Variants in NTRK2 observed in about 807,000 individuals in gnomAD.
The protein encoded by NTRK2 is neurotrophic receptor tyrosine kinase 2, also known as BDNF/NT-3 growth factors receptor.
NTRK2 carries 13 observed loss-of-function variants against 94.5 expected under a neutral mutation model. That is an observed-to-expected ratio of 0.14 (90% CI 0.09 to 0.22). The LOEUF (loss-of-function observed/expected upper bound fraction) is 0.22. Among genes scored for constraint, NTRK2 ranks in the 10% least tolerant of loss-of-function variants. The pLI is 1.00. For missense variants in NTRK2, 639 were observed against 1,071.2 expected (o/e 0.60, Z 5.63); for synonymous variants, 372 against 407.4 (o/e 0.91, Z 1.05).
intron 17 of NTRK2, among the ~76,000 whole-genome samples, chr9:84,966,922 G>A (rs1825622307): frequency 6.6e-6 from 1 of 152,168 alleles, no homozygotes; most frequent in Non-Finnish European, 1.5e-5. Flanking sequence ...GAGAGAGATG[G>A]TATTACCATA....
In NTRK2 at chr9:84,782,460, T is replaced by C. The variant is rs765610002; in HGVS notation, c.1396+30375T>C. 1.7e-4 allele frequency among the ~76,000 whole-genome samples: 26 copies of C among 152,230 alleles called. 1 individual carries two copies. Among genetic ancestry groups the C allele is most frequent in the Non-Finnish European group, 3.1e-4 (21 of 68,036 alleles). On this transcript the variant is annotated intron_variant, in intron 12 of 18. Coordinates refer to ENST00000277120, the MANE Select transcript of NTRK2 (RefSeq NM_006180.6). ...CCCTCTGCCCCGTCATACCTAGCTT[T>C]GCTGTGGCTGTCGCTCTAGCAGAAA... is the stretch of plus-strand genomic sequence containing the variant.
chr9:84,842,490 C>T (rs1055522533), intron 12 of NTRK2, among the ~76,000 whole-genome samples: 2 of 152,172 alleles, frequency 1.3e-5, no homozygotes, highest in East Asian at 1.9e-4. Context: ...ACCTCCACTG[C>T]AGGCTCACAG....
At chr9:84,863,231 C>T (rs548320254) in intron 13 of NTRK2, among the ~76,000 whole-genome samples, 2 of 152,250 alleles carry the variant, frequency 1.3e-5, no homozygotes, top group East Asian at 3.9e-4. Flanking sequence ...CTTCGTGATT[C>T]TTATCACAGG....
chr9:84,865,447 T>A (rs935040881), intron 13 of NTRK2, among the ~76,000 whole-genome samples: 2 of 152,090 alleles, frequency 1.3e-5, no homozygotes, highest in Non-Finnish European at 2.9e-5. Flanking sequence ...ACTGTGATAA[T>A]CTCCATATGA....
At chr9:84,847,210 A>G (rs947473948) in intron 12 of NTRK2, among the ~76,000 whole-genome samples, 4 of 152,228 alleles carry the variant, frequency 2.6e-5, no homozygotes, top group South Asian at 2.1e-4. Context: ...GGCCAATTCA[A>G]CATTAGTGGT....
chr9:85,013,737 A>G (rs1831900018), intron 17 of NTRK2, among the ~76,000 whole-genome samples: 1 of 152,220 alleles, frequency 6.6e-6, no homozygotes. Flanking sequence ...GAGGAGGTCT[A>G]GGAGCCCCTT....
At chr9:84,886,633 C>T (rs187161991) in intron 14 of NTRK2, among the ~76,000 whole-genome samples, 140 of 152,300 alleles carry the variant, frequency 9.2e-4, no homozygotes, top group African/African-American at 3.3e-3. Context: ...GGAGTCTGTT[C>T]ACCTAATGCC....
intron 14 of NTRK2, 92 bp downstream of exon 14, chr9:84,867,523 G>A (rs1004274147): frequency 1.5e-5 from 16 of 1,063,300 alleles, no homozygotes; most frequent in Admixed American, 1.2e-4. Context: ...GATGACTGGC[G>A]GGGAACAGGG....
At chr9:84,851,828 T>C (rs182360150) in intron 12 of NTRK2, among the ~76,000 whole-genome samples, 4 of 152,332 alleles carry the variant, frequency 2.6e-5, no homozygotes, top group African/African-American at 9.6e-5. Flanking sequence ...TCCTGTGCGG[T>C]GCTTTGCATG....
intron 12 of NTRK2, among the ~76,000 whole-genome samples, chr9:84,801,347 C>T (rs529037571): frequency 5.9e-5 from 9 of 152,172 alleles, no homozygotes; most frequent in East Asian, 1.9e-4. Context: ...TCCTTTAGCA[C>T]GAAATGCGTG....
intron 8 of NTRK2, among the ~76,000 whole-genome samples, chr9:84,726,360 G>A (rs960361501): frequency 3.9e-5 from 6 of 152,110 alleles, no homozygotes; most frequent in African/African-American, 1.2e-4. Context: ...GATGGCAGGC[G>A]CCTGTAATCC....
intron 12 of NTRK2, among the ~76,000 whole-genome samples, chr9:84,773,525 T>G (rs1453444037): frequency 6.6e-6 from 1 of 152,348 alleles, no homozygotes; most frequent in East Asian, 1.9e-4. Flanking sequence ...TTTCCATTGC[T>G]GATTTTAACG....
chr9:84,768,506 G>T (rs1247980635), intron 12 of NTRK2, among the ~76,000 whole-genome samples: 2 of 152,098 alleles, frequency 1.3e-5, no homozygotes, highest in Non-Finnish European at 2.9e-5. Context: ...AACATCCCCT[G>T]ACCCTTGGTG....
chr9:84,865,371 C>G (rs1460488855), intron 13 of NTRK2, among the ~76,000 whole-genome samples: 7 of 152,160 alleles, frequency 4.6e-5, no homozygotes, highest in Admixed American at 1.3e-4. Context: ...TAAGAGTTGG[C>G]TGTCTCCTGC....
At chr9:84,749,977 C>T (rs547329646) in intron 11 of NTRK2, among the ~76,000 whole-genome samples, 6 of 152,180 alleles carry the variant, frequency 3.9e-5, no homozygotes, top group Admixed American at 3.9e-4. Flanking sequence ...GAGCTCTGTT[C>T]AGCCTTGTCC....
At chr9:84,930,338 G>A (rs2077978686) in intron 14 of NTRK2, among the ~76,000 whole-genome samples, 1 of 152,186 alleles carries the variant, frequency 6.6e-6, no homozygotes, top group African/African-American at 2.4e-5. Context: ...GAGAAGGAAG[G>A]CACTGGTAGG....
At chr9:84,781,926 G>A (rs111707755) in intron 12 of NTRK2, among the ~76,000 whole-genome samples, 10 of 151,998 alleles carry the variant, frequency 6.6e-5, no homozygotes, top group East Asian at 1.9e-4. Context: ...AAGGCTCTTC[G>A]TAACGATTTT....
At chr9:84,998,844 C>T (rs1015848540) in intron 17 of NTRK2, among the ~76,000 whole-genome samples, 1 of 152,204 alleles carries the variant, frequency 6.6e-6, no homozygotes, top group Non-Finnish European at 1.5e-5. Flanking sequence ...TGACACAGTT[C>T]TGCAGTCCAG....
chr9:85,024,080 A>G lies in NTRK2; in HGVS notation c.*2643A>G. ...TAAAGGTCTTGAAATAAAAGGTTCT[A>G]TGCAAGTGCAAAGTTTTATAGTTAT... On this transcript the variant is annotated 3_prime_UTR_variant, in exon 19 of 19. Coordinates refer to ENST00000277120, the MANE Select transcript of NTRK2 (RefSeq NM_006180.6). 1 of 229,374 alleles carries G rather than the reference A, an allele frequency of 4.4e-6. No individual in the cohort carries two copies. The highest frequency in any genetic ancestry group is 8.6e-6 in the Non-Finnish European group (1 of 115,644). 14.2% of individuals were successfully genotyped at this position (229,374 alleles called of 1,614,324 possible).
Sources: gnomAD v4.1 joint callset for allele counts (sites outside exome capture counted in the v4.1 genomes callset) on GRCh38, gnomAD v4.1.1 for gene constraint, MANE v1.5 for transcripts, NCBI Gene and HGNC (gene_info 2026-07-23, HGNC 2026-07-21) for gene names.